Variants in FKBP1A observed in about 807,000 individuals in gnomAD.
The protein encoded by FKBP1A is peptidyl-prolyl cis-trans isomerase FKBP1A.
A neutral mutation model predicts 14.2 loss-of-function variants in FKBP1A; 5 were observed. That is an observed-to-expected ratio of 0.35 (90% CI 0.18 to 0.74). The LOEUF is 0.74. Among genes scored for constraint, FKBP1A ranks in the 30% least tolerant of loss-of-function variants. The pLI is 0.56. For synonymous variants in FKBP1A, 42 were observed against 49.1 expected, an observed-to-expected ratio of 0.86 and a Z score of 0.60; for missense variants, 53 against 138.8, an observed-to-expected ratio of 0.38 and a Z score of 3.10.
intron 3 of FKBP1A, among the ~76,000 whole-genome samples, chr20:1,372,479 C>A (rs75446489): frequency 6.6e-6 from 1 of 152,336 alleles, no homozygotes; most frequent in East Asian, 1.9e-4. Context: ...CCTCCTGACT[C>A]TCAGAACGGT....
At chr20:1,371,578 G>T in intron 4 of FKBP1A, 1 of 386,372 alleles carries the variant, frequency 2.6e-6, no homozygotes, top group Non-Finnish European at 3.5e-6. Flanking sequence ...ATGCAGGAAT[G>T]CCTCCCTCAT....
At chr20:1,375,381 G>A (rs1203117481) in intron 3 of FKBP1A, 110 bp downstream of exon 3, 6 of 729,738 alleles carry the variant, frequency 8.2e-6, no homozygotes, top group Non-Finnish European at 1.4e-5. Flanking sequence ...GATGGCATGA[G>A]GGTGAGACTT....
chr20:1,382,801 C>A (rs2089631043), intron 2 of FKBP1A, among the ~76,000 whole-genome samples: 1 of 152,244 alleles, frequency 6.6e-6, no homozygotes, highest in Non-Finnish European at 1.5e-5. Context: ...CTATGACTGA[C>A]TGCATGCAGA....
chr20:1,371,291 G>A, intron 4 of FKBP1A: 1 of 845,508 alleles, frequency 1.2e-6, no homozygotes, highest in Non-Finnish European at 1.4e-6. Context: ...AAATGAGGGT[G>A]GAAGAGGGGA....
At chr20:1,372,312 T>C (rs1055523224) in intron 3 of FKBP1A, 72 bp from the exon 4 acceptor site, 67 of 1,530,178 alleles carry the variant, frequency 4.4e-5, no homozygotes, top group Non-Finnish European at 5.7e-5. Context: ...AAAAGAGCTG[T>C]TTACCTAGGT....
rs2089593304 is a variant in FKBP1A at position 1,379,507 on chromosome 20, A to G, written c.86-3904T>C. On this transcript the variant is annotated intron_variant, in intron 2 of 4. Coordinates refer to ENST00000400137, the MANE Select transcript of FKBP1A (RefSeq NM_000801.5). The surrounding 1 kb of genome is among the most constrained non-coding windows in gnomAD (Gnocchi z 4.3). ...TATCTTAAAACCATAAAAGCCAGGA[A>G]GCAGGATTTCTAAGTAAAGGAGCTT... Among the ~76,000 whole-genome samples, 2 of 152,334 alleles carry G rather than the reference A, an allele frequency of 1.3e-5. No homozygotes were observed. The highest frequency in any genetic ancestry group is 1.5e-5 in the Non-Finnish European group (1 of 68,032).
At chr20:1,375,123 G>A (rs1407076137) in intron 3 of FKBP1A, among the ~76,000 whole-genome samples, 2 of 152,150 alleles carry the variant, frequency 1.3e-5, no homozygotes, top group African/African-American at 4.8e-5. Context: ...AGGAACTCCT[G>A]ACCTCAGGTG....
chr20:1,388,283 G>C (rs2089691110), intron 2 of FKBP1A, among the ~76,000 whole-genome samples: 2 of 152,208 alleles, frequency 1.3e-5, no homozygotes, highest in Non-Finnish European at 2.9e-5. Context: ...GACAGATGTG[G>C]AGTATTCTAT....
chr20:1,385,339 G>A (rs180873869), intron 2 of FKBP1A, among the ~76,000 whole-genome samples: 139 of 152,230 alleles, frequency 9.1e-4, no homozygotes, highest in African/African-American at 3.3e-3. Context: ...GCAGTGAGCC[G>A]AGATTGCACC....
At chr20:1,391,638 T>A (rs893894481) in intron 2 of FKBP1A, 2 of 398,344 alleles carry the variant, frequency 5.0e-6, no homozygotes, top group African/African-American at 4.1e-5. Flanking sequence ...TTTCCCTCAA[T>A]AGAGGGATCC....
intron 4 of FKBP1A, chr20:1,371,207 A>C: frequency 1.0e-6 from 1 of 985,330 alleles, no homozygotes; most frequent in Non-Finnish European, 1.2e-6. Context: ...AGCCAGTAGC[A>C]TTCATGTACT....
chr20:1,386,820 C>T lies in FKBP1A; in HGVS notation c.85+6014G>A, dbSNP rs979611753. Among the ~76,000 whole-genome samples, 5 of 152,088 alleles carry T rather than the reference C, an allele frequency of 3.3e-5. No individual in the cohort carries two copies. The highest frequency in any genetic ancestry group is 9.7e-5 in the African/African-American group (4 of 41,396). ...TAAGAACTGGTTATTTCTACCTCCC[C>T]GACTTTCTGCACTGCTAGAATACAC... is the stretch of plus-strand genomic sequence containing the variant. On this transcript the variant is annotated intron_variant, in intron 2 of 4. Coordinates refer to ENST00000400137, the MANE Select transcript of FKBP1A (RefSeq NM_000801.5). This position sits in a 1 kb window ranked among gnomAD's most constrained non-coding sequence, Gnocchi z 4.7.
Position 1,369,965 on chromosome 20 carries a change from C to T in FKBP1A, c.*144G>A. On this transcript the variant is annotated 3_prime_UTR_variant, in exon 5 of 5. Transcript: ENST00000400137. ...GGAAGCAAAGCTGAGTGACAGAACA[C>T]ATTCAGTCAGGGCAGATGTCTATAC... The T allele has an allele frequency of 6.7e-7, 1 of 1,491,810 alleles. No individual in the cohort carries two copies. Among genetic ancestry groups the T allele is most frequent in the East Asian group, 2.5e-5 (1 of 40,436 alleles). 92.4% of individuals were successfully genotyped at this position (1,491,810 alleles called of 1,614,324 possible).
In FKBP1A at chr20:1,371,973, A is replaced by AGCCTTGTGG. The variant is rs1185672494; in HGVS notation, c.*36+94_*36+102dup. ...ACAGAAAGAATGCAGGGGGAAAAAT[A>AGCCTTGTGG]GCCTTGTGGTGTTTTTTGTTCTCTC... On this transcript the variant is annotated intron_variant, in intron 4 of 4. Coordinates refer to ENST00000400137, the MANE Select transcript of FKBP1A (RefSeq NM_000801.5). 111 of 1,484,636 alleles carry AGCCTTGTGG rather than the reference A, an allele frequency of 7.5e-5. No individual in the cohort carries two copies. The African/African-American group carries it at 1.4e-3, about 18-fold the overall frequency. 92.0% of individuals were successfully genotyped at this position (1,484,636 alleles called of 1,614,324 possible). A position where few individuals can be genotyped will look rare whatever the true frequency, so the allele number is the denominator to read the frequency against.
rs916568226 is a variant in FKBP1A at position 1,392,969 on chromosome 20, T to C, written c.30A>G (p.Pro10=). 2 of 1,498,400 alleles carry C rather than the reference T, an allele frequency of 1.3e-6. No homozygotes were observed. The highest frequency in any genetic ancestry group is 1.4e-5 in the African/African-American group (1 of 69,072). The allele number at this position is 1,498,400 out of a possible 1,614,324, so 92.8% of individuals were successfully genotyped here. The part of the protein sequence containing the change: MGVQVETIS[P]GDGRTFPKRG... ...CCGCGCGCCACTACTCACCGTCTCC[T>C]GGGGAGATGGTTTCCACCTGCACTC... Residue 10 remains proline, a synonymous_variant, in exon 1 of 5, where the codon CCA becomes CCG. Transcript: ENST00000400137.
chr20:1,370,907 G>A (rs2089455160), intron 4 of FKBP1A: 2 of 985,352 alleles, frequency 2.0e-6, no homozygotes, highest in South Asian at 4.7e-5. Flanking sequence ...AAGTGCCAGG[G>A]ATTCCCTCCC....
chr20:1,388,251 C>T (rs925160335), intron 2 of FKBP1A, among the ~76,000 whole-genome samples: 5 of 152,190 alleles, frequency 3.3e-5, no homozygotes, highest in African/African-American at 1.2e-4. Flanking sequence ...ACAAGTTAAA[C>T]AATACCATGA....
rs566192347 is a variant in FKBP1A at position 1,369,731 on chromosome 20, C to G, written c.*378G>C. On this transcript the variant is annotated 3_prime_UTR_variant, in exon 5 of 5. Coordinates refer to ENST00000400137, the MANE Select transcript of FKBP1A (RefSeq NM_000801.5). The stretch of plus-strand genomic sequence containing the variant: ...TAAAATATTCTTGCAAACCCCCCCC[C>G]CAACACCAATTCCTATTCTAATGTT... 108 of 249,194 alleles carry G rather than the reference C, an allele frequency of 4.3e-4. 1 individual carries two copies. The highest frequency in any genetic ancestry group is 1.9e-3 in the African/African-American group (87 of 44,688). 15.4% of individuals were successfully genotyped at this position (249,194 alleles called of 1,614,324 possible).
chr20:1,375,886 G>A (rs2089535239), intron 2 of FKBP1A, among the ~76,000 whole-genome samples: 1 of 152,138 alleles, frequency 6.6e-6, no homozygotes, highest in Non-Finnish European at 1.5e-5. Flanking sequence ...GAGATGGGGA[G>A]TATAAACTTC....
Sources: allele counts gnomAD v4.1 joint callset (sites outside exome capture counted in the v4.1 genomes callset), GRCh38; gene constraint gnomAD v4.1.1; non-coding constraint Gnocchi (gnomAD v3.1); transcripts MANE v1.5; gene names NCBI Gene and HGNC (gene_info 2026-07-23, HGNC 2026-07-21).